Variants in DPY19L3 observed in about 807,000 individuals in gnomAD.
DPY19L3 encodes protein C-mannosyl-transferase DPY19L3.
DPY19L3 carries 51 observed loss-of-function variants against 92.3 expected under a neutral mutation model. The observed-to-expected ratio is 0.55, with a 90% CI of 0.44 to 0.70. The LOEUF is 0.70. Ranked by LOEUF, DPY19L3 falls within the 30% of genes least tolerant of loss-of-function variation. The pLI is 0.00. For missense variants in DPY19L3, 706 were observed against 855.9 expected (o/e 0.82, Z 2.18); for synonymous variants, 309 against 315.2 (o/e 0.98, Z 0.21).
At chr19:32,449,270 T>C (rs938534343) in intron 8 of DPY19L3, among the ~76,000 whole-genome samples, 2 of 152,110 alleles carry the variant, frequency 1.3e-5, no homozygotes, top group Middle Eastern at 3.2e-3. Flanking sequence ...TTGTTGAAAG[T>C]TTTAAACGCC....
At chr19:32,430,351 C>T (rs1261146530) in intron 3 of DPY19L3, among the ~76,000 whole-genome samples, 3 of 152,064 alleles carry the variant, frequency 2.0e-5, no homozygotes, top group Non-Finnish European at 2.9e-5. Flanking sequence ...CCACCGTACT[C>T]AGCCTGGGTG....
At chr19:32,423,084 A>T (rs922663018) in intron 3 of DPY19L3, among the ~76,000 whole-genome samples, 4 of 152,184 alleles carry the variant, frequency 2.6e-5, no homozygotes, top group Non-Finnish European at 5.9e-5. Flanking sequence ...TCATCCATCC[A>T]TGAGATACAT....
chr19:32,432,346 G>C (rs1968996699), intron 3 of DPY19L3, among the ~76,000 whole-genome samples: 1 of 152,128 alleles, frequency 6.6e-6, no homozygotes, highest in Non-Finnish European at 1.5e-5. Context: ...AAATGAAAAT[G>C]ATTGATCTTA....
At chr19:32,444,918 A>G (rs1390554906) in intron 8 of DPY19L3, among the ~76,000 whole-genome samples, 2 of 151,472 alleles carry the variant, frequency 1.3e-5, no homozygotes, top group East Asian at 3.9e-4. Flanking sequence ...CCCCATCTCT[A>G]TAAATAATAA....
chr19:32,464,063 T>A, intron 14 of DPY19L3, 83 bp downstream of exon 14: 3 of 818,218 alleles, frequency 3.7e-6, no homozygotes, highest in Non-Finnish European at 5.8e-6. Context: ...TTTCAGTAGC[T>A]GTGAGATAAA....
chr19:32,420,252 A>G (rs905483365), intron 3 of DPY19L3, among the ~76,000 whole-genome samples: 7 of 152,036 alleles, frequency 4.6e-5, no homozygotes, highest in East Asian at 1.9e-4. Flanking sequence ...AATAGAGTCA[A>G]CTGCTGGGGC....
In DPY19L3 at chr19:32,458,350, G is replaced by T. The variant is rs1485927713; in HGVS notation, c.1164-1G>T. The T allele has an allele frequency of 2.5e-6, 4 of 1,609,812 alleles. No homozygotes were observed. The highest frequency in any genetic ancestry group is 3.4e-6 in the Non-Finnish European group (4 of 1,179,030). On this transcript the variant is annotated splice_acceptor_variant, in intron 11 of 18. Coordinates refer to ENST00000392250, the MANE Select transcript of DPY19L3 (RefSeq NM_001172774.2). LOFTEE classifies it high-confidence loss of function. Reference sequence around the variant, plus strand: ...TACTTTGCTTTCCATTTGTTCCCTAGGGATTTTGATGCAAATCTCTATCTG... The same window carrying T: ...TACTTTGCTTTCCATTTGTTCCCTATGGATTTTGATGCAAATCTCTATCTG...
At chr19:32,439,476 A>C (rs1969255669) in intron 7 of DPY19L3, among the ~76,000 whole-genome samples, 1 of 152,228 alleles carries the variant, frequency 6.6e-6, no homozygotes, top group African/African-American at 2.4e-5. Context: ...AGTTGCAGCA[A>C]ACCCACACAC....
intron 8 of DPY19L3, among the ~76,000 whole-genome samples, chr19:32,440,303 C>T (rs1969282962): frequency 6.6e-6 from 1 of 152,104 alleles, no homozygotes; most frequent in African/African-American, 2.4e-5. Flanking sequence ...TTCATAGTCA[C>T]ATTTAACTAA....
intron 11 of DPY19L3, 38 bp downstream of exon 11, chr19:32,458,211 A>G (rs375402660): frequency 5.4e-5 from 87 of 1,598,990 alleles, no homozygotes; most frequent in Admixed American, 4.3e-4. Context: ...GCTATTTTCT[A>G]TTGAATCAGC....
At chr19:32,474,187 G>A (rs866152987) in intron 16 of DPY19L3, among the ~76,000 whole-genome samples, 1 of 152,234 alleles carries the variant, frequency 6.6e-6, no homozygotes, top group Non-Finnish European at 1.5e-5. Flanking sequence ...CTCAGTGAAA[G>A]AGTATGTTAA....
chr19:32,440,617 G>A (rs1969292342), intron 8 of DPY19L3, among the ~76,000 whole-genome samples: 1 of 152,132 alleles, frequency 6.6e-6, no homozygotes, highest in Non-Finnish European at 1.5e-5. Flanking sequence ...AACTGACTGA[G>A]TCTGAATTAA....
chr19:32,412,376 A>G (rs1213827068), intron 3 of DPY19L3: 1 of 147,676 alleles, frequency 6.8e-6, no homozygotes, highest in African/African-American at 2.5e-5. Flanking sequence ...TTAATTTTAT[A>G]TATATATATA....
chr19:32,419,163 CTT>C (rs1277893362), intron 3 of DPY19L3, among the ~76,000 whole-genome samples: 18 of 136,402 alleles, frequency 1.3e-4, no homozygotes, highest in Non-Finnish European at 1.3e-4. Context: ...TTATTTGTAC[CTT>C]TTTTTTTTTT....
intron 15 of DPY19L3, chr19:32,468,419 A>C: frequency 1.9e-6 from 2 of 1,035,410 alleles, no homozygotes. Flanking sequence ...TGTCAAAATA[A>C]TGTTTTGCCA....
chr19:32,444,266 A>C (rs1422673357), intron 8 of DPY19L3, among the ~76,000 whole-genome samples: 1 of 152,196 alleles, frequency 6.6e-6, no homozygotes, highest in African/African-American at 2.4e-5. Context: ...TACAAAGAAG[A>C]AGCAAGTGGA....
chr19:32,466,288 TG>T (rs1970197820), intron 15 of DPY19L3, among the ~76,000 whole-genome samples: 1 of 152,196 alleles, frequency 6.6e-6, no homozygotes, highest in Non-Finnish European at 1.5e-5. Context: ...CCTGTAAACA[TG>T]CATGTGTTTG....
intron 6 of DPY19L3, among the ~76,000 whole-genome samples, chr19:32,438,037 T>C (rs556819337): frequency 2.0e-5 from 3 of 152,210 alleles, no homozygotes; most frequent in East Asian, 1.9e-4. Flanking sequence ...TCTCAGTTAG[T>C]AGAGCTTAAA....
At chr19:32,422,288 C>G (rs1968597376) in intron 3 of DPY19L3, among the ~76,000 whole-genome samples, 1 of 151,996 alleles carries the variant, frequency 6.6e-6, no homozygotes, top group Admixed American at 6.6e-5. Context: ...AAGATGAATA[C>G]AAAGCAGAAA....
Sources: allele counts gnomAD v4.1 joint callset (sites outside exome capture counted in the v4.1 genomes callset), GRCh38; gene constraint gnomAD v4.1.1; transcripts MANE v1.5; gene names NCBI Gene and HGNC (gene_info 2026-07-23, HGNC 2026-07-21).